NDUFS7: variants seen among roughly 807,000 people sequenced by gnomAD.
NDUFS7 encodes the protein NADH dehydrogenase [ubiquinone] iron-sulfur protein 7, mitochondrial.
In NDUFS7, 11 loss-of-function variants were observed where a neutral mutation model predicts 31.1. The ratio of observed to expected loss-of-function variants is 0.35; its 90% CI spans 0.22 to 0.59. The LOEUF (loss-of-function observed/expected upper bound fraction) is 0.59. Among genes scored for constraint, NDUFS7 ranks in the 20% least tolerant of loss-of-function variants. NDUFS7 has a pLI of 0.79. For synonymous variants in NDUFS7, 136 were observed against 127.9 expected (o/e 1.06, Z -0.43); for missense variants, 263 against 324.2 (o/e 0.81, Z 1.45).
At chr19:1,388,274 C>T (rs1159411934) in intron 2 of NDUFS7, 3 of 597,418 alleles carry the variant, frequency 5.0e-6, no homozygotes, top group Non-Finnish European at 9.0e-6. Flanking sequence ...ATCCTGGGAC[C>T]GTCCTTGCTT....
intron 2 of NDUFS7, 172 bp downstream of exon 2, chr19:1,388,019 C>T: frequency 1.4e-6 from 1 of 711,130 alleles, no homozygotes; most frequent in South Asian, 1.6e-5. Context: ...CGGGACCCTC[C>T]CTGGGACAGT....
chr19:1,388,727 C>T (rs763618091), intron 3 of NDUFS7, 106 bp from the exon 4 acceptor site: 4 of 1,430,718 alleles, frequency 2.8e-6, no homozygotes, highest in African/African-American at 1.4e-5. Context: ...CAGTCCCTGA[C>T]CTCATGTGGG....
chr19:1,393,596 T>C lies in NDUFS7; in HGVS notation c.544+266T>C. The stretch of plus-strand genomic sequence containing the variant: ...ACACGCCTGGTTTACAGCAGTTTCA[T>C]ATGGTCCTACCTGGCACAAACCAAA... On this transcript the variant is annotated intron_variant, in intron 7 of 7. Transcript: ENST00000233627. This position sits in a 1 kb window ranked among gnomAD's most constrained non-coding sequence, Gnocchi z 7.3. 1 of 627,664 alleles carries C rather than the reference T, an allele frequency of 1.6e-6. No homozygotes were observed. The highest frequency in any genetic ancestry group is 2.9e-6 in the Non-Finnish European group (1 of 346,444). 38.9% of individuals were successfully genotyped at this position (627,664 alleles called of 1,614,324 possible).
chr19:1,389,315 ACACATGCACACT>A (rs1025607493), intron 4 of NDUFS7: 18 of 477,438 alleles, frequency 3.8e-5, no homozygotes, highest in Admixed American at 7.6e-5. Context: ...AGTCATGCAC[ACACATGCACACT>A]CACACACATG....
In NDUFS7 at chr19:1,388,520, G is replaced by A. The variant is rs775718887; in HGVS notation, c.54-5G>A. 1.2e-5 allele frequency: 19 copies of A among 1,610,832 alleles called. No homozygotes were observed. The Admixed American group carries it at 1.7e-4, about 14-fold the overall frequency. ...GCCACTGACCCGCGTTCCATCTCCC[G>A]GCAGCTCCAGCGTGGGCCCGGCTGT... On this transcript the variant is annotated splice_polypyrimidine_tract_variant and splice_region_variant and intron_variant, in intron 2 of 7. Coordinates refer to ENST00000233627, the MANE Select transcript of NDUFS7 (RefSeq NM_024407.5).
intron 7 of NDUFS7, chr19:1,394,658 C>T (rs2082583209): frequency 1.6e-6 from 2 of 1,225,960 alleles, no homozygotes; most frequent in African/African-American, 1.7e-5. Context: ...GACCTCGCTC[C>T]TCCCTCCCTC....
At chr19:1,389,499 G>C (rs1314340758) in intron 4 of NDUFS7, 6 of 457,274 alleles carry the variant, frequency 1.3e-5, no homozygotes, top group African/African-American at 6.0e-5. Context: ...CTGAGGATTC[G>C]GACCCTGCTG....
intron 6 of NDUFS7, among the ~76,000 whole-genome samples, chr19:1,391,370 C>G (rs939473068): frequency 4.6e-5 from 7 of 152,216 alleles, no homozygotes; most frequent in Admixed American, 3.3e-4. Flanking sequence ...CCATCCACCC[C>G]CACGCAGCAG....
chr19:1,389,448 C>T lies in NDUFS7; in HGVS notation c.228+510C>T, dbSNP rs75641263. On this transcript the variant is annotated intron_variant, in intron 4 of 7. Coordinates refer to ENST00000233627, the MANE Select transcript of NDUFS7 (RefSeq NM_024407.5). ...GCGGCCGTGGAGCAGGGCGGACCCT[C>T]CCGGAGGCCCCTGTGCTGGCCTGGT... 48 of 457,906 alleles carry T rather than the reference C, an allele frequency of 1.0e-4. 1 individual carries two copies. In the East Asian group the frequency reaches 3.3e-3, roughly 32 times the overall value. 28.4% of individuals were successfully genotyped at this position (457,906 alleles called of 1,614,324 possible).
At chr19:1,389,007 TACAC>T (rs2082530308) in intron 4 of NDUFS7, 69 bp downstream of exon 4, 5 of 1,286,066 alleles carry the variant, frequency 3.9e-6, no homozygotes, top group Non-Finnish European at 4.4e-6. Context: ...GGCACACACA[TACAC>T]ACACCAACGT....
chr19:1,389,887 T>C, intron 4 of NDUFS7: 2 of 211,762 alleles, frequency 9.4e-6, no homozygotes, highest in South Asian at 1.3e-4. Flanking sequence ...AGGATAGTTC[T>C]TTTCTTTTTC....
intron 1 of NDUFS7, chr19:1,384,165 T>A (rs2082492610): frequency 1.8e-6 from 1 of 550,220 alleles, no homozygotes; most frequent in African/African-American, 2.0e-5. Flanking sequence ...CGGTAGGTCA[T>A]GACGCAAGCC....
Position 1,383,953 on chromosome 19 carries a change from C to T in NDUFS7, c.16+11C>T. 1.4e-5 allele frequency: 22 copies of T among 1,568,998 alleles called. No homozygotes were observed. Among genetic ancestry groups the T allele is most frequent in the Non-Finnish European group, 1.9e-5 (22 of 1,159,036 alleles). On this transcript the variant is annotated intron_variant, in intron 1 of 7. Coordinates refer to ENST00000233627, the MANE Select transcript of NDUFS7 (RefSeq NM_024407.5). ...TGGCGGTGCTGTCAGGTGAGCGCGG[C>T]ACCGGCGGCGGGTGTGGGGCCGCGC...
At chr19:1,394,528 C>T (rs896574810) in intron 7 of NDUFS7, 7 of 1,263,646 alleles carry the variant, frequency 5.5e-6, no homozygotes, top group Non-Finnish European at 7.2e-6. Context: ...CCCTCCCTCC[C>T]TGCGGACCGC....
At chr19:1,390,806 G>A (rs1787631072) in intron 4 of NDUFS7, 65 bp from the exon 5 acceptor site, 4 of 1,550,130 alleles carry the variant, frequency 2.6e-6, no homozygotes, top group African/African-American at 1.4e-5. Context: ...TGCTCCACGT[G>A]GAGTCTCACG....
intron 4 of NDUFS7, 200 bp downstream of exon 4, chr19:1,389,138 C>T (rs1568989386): frequency 1.4e-6 from 1 of 703,828 alleles, no homozygotes; most frequent in South Asian, 1.5e-5. Flanking sequence ...GCACACAATG[C>T]ACATATGCAC....
At position 1,389,247 on chromosome 19, in the gene NDUFS7, T is replaced by C. The variant is rs753157648; in HGVS notation, c.228+309T>C. On this transcript the variant is annotated intron_variant, in intron 4 of 7. Transcript: ENST00000233627. ...CATGCACACTTGCACTCATGCACAC[T>C]CATGCGCACATATACACATGCACAC... 1.4e-5 allele frequency: 9 copies of C among 654,350 alleles called. No homozygotes were observed. In the African/African-American group the frequency reaches 1.6e-4, roughly 12 times the overall value. 40.5% of individuals were successfully genotyped at this position (654,350 alleles called of 1,614,324 possible).
chr19:1,389,047 G>C, intron 4 of NDUFS7, 109 bp downstream of exon 4: 2 of 900,172 alleles, frequency 2.2e-6, no homozygotes, highest in Non-Finnish European at 3.5e-6. Flanking sequence ...CACAACACAT[G>C]CATGCACACT....
chr19:1,394,388 AG>A (rs1415410562), intron 7 of NDUFS7: 2 of 1,289,146 alleles, frequency 1.6e-6, no homozygotes, highest in Admixed American at 4.6e-5. Context: ...GCAAGTTGCG[AG>A]TGTGGACTGT....
Sources: allele counts gnomAD v4.1 joint callset (sites outside exome capture counted in the v4.1 genomes callset), GRCh38; gene constraint gnomAD v4.1.1; non-coding constraint Gnocchi (gnomAD v3.1); transcripts MANE v1.5; gene names NCBI Gene and HGNC (gene_info 2026-07-23, HGNC 2026-07-21).